The following IFTAP variants were observed in gnomAD, a reference collection of about 807,000 sequenced individuals.
The protein encoded by IFTAP is intraflagellar transport-associated protein.
In IFTAP, 19 loss-of-function variants were observed where a neutral mutation model predicts 19.4. That is an observed-to-expected ratio of 0.98 (90% confidence interval 0.68 to 1.44). The LOEUF (loss-of-function observed/expected upper bound fraction) is 1.44. Ranked by LOEUF, IFTAP falls within the 40% of genes most tolerant of loss-of-function variation. The pLI is 0.00. For missense variants in IFTAP, 240 were observed against 253.6 expected (o/e 0.95, Z 0.36); for synonymous variants, 85 against 83.5 (o/e 1.02, Z -0.10).
At chr11:36,644,142 A>T (rs943978773) in intron 4 of IFTAP, among the ~76,000 whole-genome samples, 12 of 152,228 alleles carry the variant, frequency 7.9e-5, no homozygotes, top group Admixed American at 1.3e-4. Context: ...TAACTCAAAC[A>T]AGTTTACAAG....
intron 2 of IFTAP, among the ~76,000 whole-genome samples, chr11:36,625,264 G>A (rs937790756): frequency 6.6e-6 from 1 of 151,980 alleles, no homozygotes; most frequent in African/African-American, 2.4e-5. Context: ...ACATAAATAT[G>A]TTTATTTATA....
chr11:36,614,640 G>A (rs1338390806), intron 2 of IFTAP, among the ~76,000 whole-genome samples: 1 of 148,032 alleles, frequency 6.8e-6, no homozygotes, highest in Non-Finnish European at 1.5e-5. Context: ...ATCTCCTTGT[G>A]GTTTTGATTT....
chr11:36,623,096 G>T (rs1410633457), intron 2 of IFTAP, among the ~76,000 whole-genome samples: 1 of 152,010 alleles, frequency 6.6e-6, no homozygotes, highest in African/African-American at 2.4e-5. Context: ...CTTTACTTGG[G>T]AATTTTACCT....
At chr11:36,598,649 C>T (rs1299808277) in intron 1 of IFTAP, among the ~76,000 whole-genome samples, 3 of 152,122 alleles carry the variant, frequency 2.0e-5, no homozygotes, top group Admixed American at 6.5e-5. Context: ...TGTAATTATT[C>T]GAGGCCCTCT....
intron 2 of IFTAP, among the ~76,000 whole-genome samples, chr11:36,632,782 C>T (rs1383695892): frequency 6.6e-6 from 1 of 151,094 alleles, no homozygotes; most frequent in Non-Finnish European, 1.5e-5. Flanking sequence ...CAGTATGATT[C>T]CTTCTGGATT....
chr11:36,613,058 T>C (rs1384085984), intron 2 of IFTAP, among the ~76,000 whole-genome samples: 3 of 152,104 alleles, frequency 2.0e-5, no homozygotes, highest in Non-Finnish European at 4.4e-5. Context: ...ATATTAATTA[T>C]TAGTTTTAAA....
At chr11:36,595,867 G>A (rs1272259963) in intron 1 of IFTAP, among the ~76,000 whole-genome samples, 1 of 152,262 alleles carries the variant, frequency 6.6e-6, no homozygotes, top group Admixed American at 6.5e-5. Context: ...TAGGATATGG[G>A]AATCAGGTCA....
intron 4 of IFTAP, among the ~76,000 whole-genome samples, chr11:36,638,709 G>A (rs1853064939): frequency 6.6e-6 from 1 of 152,162 alleles, no homozygotes; most frequent in Admixed American, 6.5e-5. Flanking sequence ...TTGGCAGCTG[G>A]GAGGTTTACT....
chr11:36,639,668 C>T (rs184884325), intron 4 of IFTAP, among the ~76,000 whole-genome samples: 1 of 152,190 alleles, frequency 6.6e-6, no homozygotes, highest in Non-Finnish European at 1.5e-5. Context: ...AGAGTGAGAA[C>T]TCAGCGAAAA....
chr11:36,656,707 T>G (rs2133552419), intron 5 of IFTAP, among the ~76,000 whole-genome samples: 1 of 152,220 alleles, frequency 6.6e-6, no homozygotes, highest in Non-Finnish European at 1.5e-5. Flanking sequence ...CTCCTTGAAG[T>G]TATGAAACCT....
At chr11:36,639,490 T>C (rs946932252) in intron 4 of IFTAP, among the ~76,000 whole-genome samples, 1 of 152,164 alleles carries the variant, frequency 6.6e-6, no homozygotes, top group African/African-American at 2.4e-5. Context: ...AAAAGAGGTT[T>C]ATTTGGCTCA....
Position 36,642,035 on chromosome 11 carries a change from T to C in IFTAP, c.358+5918T>C, listed in dbSNP as rs1853230761. 2.6e-5 allele frequency among the ~76,000 whole-genome samples: 4 copies of C among 152,172 alleles called. No individual in the cohort carries two copies. The South Asian group carries it at 6.2e-4, about 24-fold the overall frequency. On this transcript the variant is annotated intron_variant, in intron 4 of 5. Coordinates refer to ENST00000334307, the MANE Select transcript of IFTAP (RefSeq NM_138787.4). ...TCCCTTTACCATTATGTAATGGCCT[T>C]CTTTGTCTCTTTTGATCTTTGTTGG...
intron 1 of IFTAP, among the ~76,000 whole-genome samples, chr11:36,609,702 G>A (rs1851806765): frequency 6.6e-6 from 1 of 152,128 alleles, no homozygotes; most frequent in African/African-American, 2.4e-5. Context: ...CACAGTAACT[G>A]CTAAATAAGT....
chr11:36,627,548 A>G (rs961134442), intron 2 of IFTAP, among the ~76,000 whole-genome samples: 11 of 151,416 alleles, frequency 7.3e-5, no homozygotes, highest in Middle Eastern at 3.4e-3. Context: ...AACGTAGAAA[A>G]GGGCTGTGGT....
At chr11:36,605,351 G>A (rs911037986) in intron 1 of IFTAP, among the ~76,000 whole-genome samples, 5 of 143,402 alleles carry the variant, frequency 3.5e-5, no homozygotes, top group African/African-American at 1.3e-4. Context: ...CACTTTCAGA[G>A]AAGCAAGCTT....
chr11:36,639,010 T>C (rs934272564), intron 4 of IFTAP, among the ~76,000 whole-genome samples: 4 of 152,244 alleles, frequency 2.6e-5, no homozygotes, highest in Admixed American at 2.0e-4. Flanking sequence ...TGTGTTTATT[T>C]GACATCAAGT....
chr11:36,651,248 C>G (rs567231550), intron 5 of IFTAP, among the ~76,000 whole-genome samples: 7 of 152,318 alleles, frequency 4.6e-5, no homozygotes, highest in African/African-American at 1.7e-4. Context: ...GATCACCATT[C>G]TAACTGGTGT....
At chr11:36,597,700 T>C (rs1851328879) in intron 1 of IFTAP, 1 of 152,252 alleles carries the variant, frequency 6.6e-6, no homozygotes, top group Non-Finnish European at 1.5e-5. Context: ...CCATGTTTTC[T>C]TGATTGCTCC....
chr11:36,610,189 A>C lies in IFTAP; in HGVS notation c.86A>C (p.Glu29Ala). 1 of 1,610,818 alleles carries C rather than the reference A, an allele frequency of 6.2e-7. No homozygotes were observed. The highest frequency in any genetic ancestry group is 8.5e-7 in the Non-Finnish European group (1 of 1,177,190). ...TTGGATAAATTCCTTAATTGTCATGAGCAAACATATGATGAAGAATTTCTG... is the reference window on the plus strand; with the variant it reads ...TTGGATAAATTCCTTAATTGTCATGCGCAAACATATGATGAAGAATTTCTG... Reference protein sequence around the residue: ...DVLDKFLNCHEQTYDEEFLNT... With the variant: ...DVLDKFLNCHAQTYDEEFLNT... Residue 29 changes from glutamate (E) to alanine (A), a missense_variant, in exon 2 of 6, where the codon GAG (glutamate) becomes GCG (alanine). Physicochemically the swap from Glu to Ala is moderately radical, Grantham distance 107. Coordinates refer to ENST00000334307, the MANE Select transcript of IFTAP (RefSeq NM_138787.4).
Sources: allele counts gnomAD v4.1 joint callset (sites outside exome capture counted in the v4.1 genomes callset), GRCh38; gene constraint gnomAD v4.1.1; transcripts MANE v1.5; gene names NCBI Gene and HGNC (gene_info 2026-07-23, HGNC 2026-07-21).